The following ARHGAP29 variants were observed in gnomAD, a reference collection of about 807,000 sequenced individuals.
ARHGAP29 encodes rho GTPase-activating protein 29.
ARHGAP29 carries 43 observed loss-of-function variants against 122.6 expected under a neutral mutation model. The ratio of observed to expected loss-of-function variants is 0.35; its 90% CI spans 0.27 to 0.45. The LOEUF (loss-of-function observed/expected upper bound fraction) is 0.45. ARHGAP29 is among the 20% of genes least tolerant of loss of function. The pLI is 1.00. For synonymous variants in ARHGAP29, 506 were observed against 497.1 expected (o/e 1.02, Z -0.24); for missense variants, 1,303 against 1,477.2 (o/e 0.88, Z 1.93).
upstream of ARHGAP29, among the ~76,000 whole-genome samples, chr1:94,277,202 T>C (rs2100743115): frequency 6.6e-6 from 1 of 152,342 alleles, no homozygotes; most frequent in Admixed American, 6.5e-5. Context: ...TCTAAAACGC[T>C]GGGAATTCAA....
intron 1 of ARHGAP29, among the ~76,000 whole-genome samples, chr1:94,261,891 A>G (rs755474875): frequency 1.1e-4 from 16 of 152,194 alleles, no homozygotes; most frequent in Non-Finnish European, 1.9e-4. Flanking sequence ...CTTCACAACT[A>G]GAAAAAGCTA....
intron 19 of ARHGAP29, among the ~76,000 whole-genome samples, chr1:94,180,988 A>G (rs1557840511): frequency 6.6e-6 from 1 of 152,190 alleles, no homozygotes; most frequent in African/African-American, 2.4e-5. Context: ...TTAAAGATAT[A>G]CCAGTAGTTT....
intron 1 of ARHGAP29, among the ~76,000 whole-genome samples, chr1:94,232,055 G>C (rs1479519114): frequency 6.6e-6 from 1 of 152,010 alleles, no homozygotes; most frequent in African/African-American, 2.4e-5. Flanking sequence ...AATTGTAAAA[G>C]TTGTTCTGAA....
At chr1:94,302,725 C>A in the ARHGAP29 span, 2 of 386,850 alleles carry the variant, frequency 5.2e-6, no homozygotes, top group East Asian at 8.2e-5. Context: ...TTCCATGTAC[C>A]CACTGCCAAT....
the ARHGAP29 span, among the ~76,000 whole-genome samples, chr1:94,298,205 T>C: frequency 1.3e-5 from 2 of 152,228 alleles, no homozygotes; most frequent in Non-Finnish European, 2.9e-5. Flanking sequence ...TATGTACGTA[T>C]ACTTTAGAAA....
chr1:94,261,277 G>T (rs765083482), intron 1 of ARHGAP29, among the ~76,000 whole-genome samples: 2 of 152,048 alleles, frequency 1.3e-5, no homozygotes, highest in African/African-American at 4.8e-5. Context: ...AGGCACATAG[G>T]TTATTATAAC....
At chr1:94,292,097 C>T in the ARHGAP29 span, among the ~76,000 whole-genome samples, 9 of 152,290 alleles carry the variant, frequency 5.9e-5, no homozygotes, top group South Asian at 2.1e-4. Context: ...ACCATTCAAA[C>T]GTAGATTTGG....
chr1:94,209,004 A>G, intron 4 of ARHGAP29, 100 bp from the exon 5 acceptor site: 1 of 1,145,474 alleles, frequency 8.7e-7, no homozygotes, highest in Non-Finnish European at 1.2e-6. Flanking sequence ...TAAAAATAAG[A>G]ACCTTAGAAA....
chr1:94,306,039 G>A, the ARHGAP29 span, among the ~76,000 whole-genome samples: 2 of 152,326 alleles, frequency 1.3e-5, no homozygotes, highest in African/African-American at 2.4e-5. Context: ...TATGGAGAAC[G>A]TTCTGAGGCT....
At chr1:94,246,316 G>A (rs1315078754) in intron 1 of ARHGAP29, among the ~76,000 whole-genome samples, 1 of 152,148 alleles carries the variant, frequency 6.6e-6, no homozygotes, top group Non-Finnish European at 1.5e-5. Context: ...ATTTTGTTGT[G>A]ATTCACTCAT....
At chr1:94,258,014 G>C (rs1654425758) in intron 1 of ARHGAP29, among the ~76,000 whole-genome samples, 1 of 152,166 alleles carries the variant, frequency 6.6e-6, no homozygotes, top group African/African-American at 2.4e-5. Flanking sequence ...TCTGGTGTTG[G>C]AGGACCAAGT....
chr1:94,312,355 GTTTTT>G, the ARHGAP29 span, among the ~76,000 whole-genome samples: 26 of 88,808 alleles, frequency 2.9e-4, no homozygotes, highest in South Asian at 5.2e-3. Flanking sequence ...ATTTTTATTT[GTTTTT>G]TTTTTTTTTT....
At chr1:94,219,247 T>G (rs1239893198) in intron 3 of ARHGAP29, among the ~76,000 whole-genome samples, 1 of 26,660 alleles carries the variant, frequency 3.8e-5, no homozygotes, top group Non-Finnish European at 1.1e-4. Context: ...ACACTGATAA[T>G]CACTTCTTAA....
chr1:94,221,240 A>G (rs1276678500), intron 2 of ARHGAP29, among the ~76,000 whole-genome samples: 1 of 152,194 alleles, frequency 6.6e-6, no homozygotes, highest in Non-Finnish European at 1.5e-5. Flanking sequence ...AGTAAATCAG[A>G]AAGTATAATC....
At chr1:94,232,270 G>A (rs1652963243) in intron 1 of ARHGAP29, among the ~76,000 whole-genome samples, 1 of 152,090 alleles carries the variant, frequency 6.6e-6, no homozygotes, top group Admixed American at 6.6e-5. Context: ...TGAGATTGTA[G>A]GGATTACATG....
intron 20 of ARHGAP29, among the ~76,000 whole-genome samples, chr1:94,179,439 C>G (rs1249152687): frequency 6.6e-6 from 1 of 151,548 alleles, no homozygotes. Context: ...ACTAAAAATA[C>G]AAAAATTAGC....
the ARHGAP29 span, among the ~76,000 whole-genome samples, chr1:94,293,513 A>T: frequency 6.6e-6 from 1 of 152,078 alleles, no homozygotes; most frequent in Admixed American, 6.5e-5. Context: ...TCCCAGTGAG[A>T]TGAACCAGGT....
At chr1:94,280,244 A>G in the ARHGAP29 span, among the ~76,000 whole-genome samples, 1 of 152,050 alleles carries the variant, frequency 6.6e-6, no homozygotes, top group African/African-American at 2.4e-5. Flanking sequence ...GGAAGCCTCC[A>G]ACCTTTCCAT....
upstream of ARHGAP29, among the ~76,000 whole-genome samples, chr1:94,279,318 G>T (rs1268338041): frequency 1.3e-5 from 2 of 152,162 alleles, no homozygotes; most frequent in Non-Finnish European, 2.9e-5. Flanking sequence ...GTCTGTGCTA[G>T]ACCCTCTGCC....
Sources: allele counts gnomAD v4.1 joint callset (sites outside exome capture counted in the v4.1 genomes callset), GRCh38; gene constraint gnomAD v4.1.1; transcripts MANE v1.5; gene names NCBI Gene and HGNC (gene_info 2026-07-23, HGNC 2026-07-21).